The following SLC22A23 variants were observed in gnomAD, a reference collection of about 807,000 sequenced individuals.
SLC22A23 encodes ion transporter protein.
SLC22A23 carries 26 observed loss-of-function variants against 61.0 expected under a neutral mutation model. That is an observed-to-expected ratio of 0.43 (90% CI 0.31 to 0.59). The LOEUF (loss-of-function observed/expected upper bound fraction) is 0.59, where lower values mean the gene tolerates loss of function less well. Ranked by LOEUF, SLC22A23 falls within the 20% of genes least tolerant of loss-of-function variation. The probability of loss-of-function intolerance (pLI) is 0.11; values close to 1 mark genes in which losing one functional copy is unlikely to be tolerated. For missense variants in SLC22A23, 796 were observed against 934.7 expected, an observed-to-expected ratio of 0.85 and a Z score of 1.94; for synonymous variants, 430 against 413.9, an observed-to-expected ratio of 1.04 and a Z score of -0.47.
rs879584443 is a variant in SLC22A23, at chr6:3,427,029, G to A, written c.655-11174C>T. 3.7e-4 allele frequency among the ~76,000 whole-genome samples: 56 copies of A among 152,346 alleles called. No homozygotes were observed. The highest frequency in any genetic ancestry group is 1.2e-3 in the African/African-American group (50 of 41,584). Reference sequence around the variant, plus strand: ...TAAAGTGGGGTCTGAGCCAGCTTGCGAATGTGCTGTCAAGCACAGCTGGGA... The same window carrying A: ...TAAAGTGGGGTCTGAGCCAGCTTGCAAATGTGCTGTCAAGCACAGCTGGGA... On this transcript the variant is annotated intron_variant, in intron 1 of 9. Transcript: ENST00000406686. This position sits in a 1 kb window ranked among gnomAD's most constrained non-coding sequence, Gnocchi z 4.3.
At chr6:3,285,846 C>T (rs1759944461) in intron 7 of SLC22A23, among the ~76,000 whole-genome samples, 1 of 152,156 alleles carries the variant, frequency 6.6e-6, no homozygotes, top group Non-Finnish European at 1.5e-5. Context: ...GTTCTGAGAG[C>T]CCGGGTTCAT....
chr6:3,441,167 G>A (rs986761691), intron 1 of SLC22A23, among the ~76,000 whole-genome samples: 18 of 152,282 alleles, frequency 1.2e-4, no homozygotes, highest in African/African-American at 4.1e-4. Flanking sequence ...ATGGGGGCTC[G>A]TTCAGGTGGT....
At chr6:3,425,331 C>T (rs1770421576) in intron 1 of SLC22A23, among the ~76,000 whole-genome samples, 1 of 134,212 alleles carries the variant, frequency 7.5e-6, no homozygotes, top group East Asian at 2.2e-4. Context: ...GTTGCCCAGG[C>T]TGGAGTGCAG....
At chr6:3,447,583 CTTTTT>C (rs757788904) in intron 1 of SLC22A23, among the ~76,000 whole-genome samples, 7 of 113,366 alleles carry the variant, frequency 6.2e-5, no homozygotes, top group African/African-American at 1.4e-4. Flanking sequence ...AAGAAACTTT[CTTTTT>C]TTTTTTTTTT....
intron 3 of SLC22A23, among the ~76,000 whole-genome samples, chr6:3,363,137 G>T (rs1218967463): frequency 1.3e-5 from 2 of 152,144 alleles, no homozygotes; most frequent in African/African-American, 4.8e-5. Context: ...CTCAGGCAGG[G>T]GCATGTTTTT....
intron 1 of SLC22A23, among the ~76,000 whole-genome samples, chr6:3,453,272 C>G (rs952575054): frequency 6.6e-6 from 1 of 152,126 alleles, no homozygotes; most frequent in Non-Finnish European, 1.5e-5. Flanking sequence ...TTCTGAGGAG[C>G]AAGTGGCACA....
rs145801603 is a variant in SLC22A23, at chr6:3,414,198, G to A, written c.758+1554C>T. ...ATAAGGACACTACAACCCCAGTTGA[G>A]TTTGCATTTTTTTAGAAAGACAGTG... On this transcript the variant is annotated intron_variant, in intron 2 of 9. Coordinates refer to ENST00000406686, the MANE Select transcript of SLC22A23 (RefSeq NM_015482.2). This position sits in a 1 kb window ranked among gnomAD's most constrained non-coding sequence, Gnocchi z 5.1. 8.1e-3 allele frequency among the ~76,000 whole-genome samples: 1,240 copies of A among 152,250 alleles called. 15 individuals carry two copies. Among genetic ancestry groups the A allele is most frequent in the South Asian group, 0.069 (335 of 4,824 alleles).
intron 3 of SLC22A23, among the ~76,000 whole-genome samples, chr6:3,378,819 G>A (rs930109587): frequency 5.9e-5 from 9 of 151,694 alleles, no homozygotes; most frequent in African/African-American, 1.7e-4. Flanking sequence ...CACCACACCC[G>A]GCTAATTTTT....
chr6:3,399,790 A>C (rs1256216169), intron 3 of SLC22A23, among the ~76,000 whole-genome samples: 1 of 152,208 alleles, frequency 6.6e-6, no homozygotes, highest in East Asian at 1.9e-4. Context: ...GAAGAGCCCT[A>C]GGAATGATCT....
At position 3,333,615 on chromosome 6, in the gene SLC22A23, A is replaced by G. The variant is rs1260978606; in HGVS notation, c.914-9613T>C. On this transcript the variant is annotated intron_variant, in intron 3 of 9. Coordinates refer to ENST00000406686, the MANE Select transcript of SLC22A23 (RefSeq NM_015482.2). The surrounding 1 kb of genome is among the most constrained non-coding windows in gnomAD (Gnocchi z 4.1). ...TCCTTTTCTCAGGTCTCTAAGAGCC[A>G]TCTTGCCCAGAAGCTTTGCCCTGAC... Among the ~76,000 whole-genome samples the G allele has an allele frequency of 6.6e-6, 1 of 152,190 alleles. No homozygotes were observed. The highest frequency in any genetic ancestry group is 1.5e-5 in the Non-Finnish European group (1 of 68,030).
At chr6:3,370,463 C>T (rs770911956) in intron 3 of SLC22A23, among the ~76,000 whole-genome samples, 11 of 152,392 alleles carry the variant, frequency 7.2e-5, no homozygotes, top group Middle Eastern at 6.8e-3. Flanking sequence ...GCACTGGAGA[C>T]GAAGCCTCCA....
chr6:3,411,531 G>A (rs1769245057), intron 2 of SLC22A23, among the ~76,000 whole-genome samples: 1 of 152,058 alleles, frequency 6.6e-6, no homozygotes. Context: ...TCAGAGTGTG[G>A]TGATGGCTGT....
intron 9 of SLC22A23, among the ~76,000 whole-genome samples, chr6:3,280,512 T>TTTTTTTTTTTC (rs781526188): frequency 2.0e-5 from 2 of 98,330 alleles, no homozygotes; most frequent in African/African-American, 7.1e-5. Context: ...TTTTTTTTTT[T>TTTTTTTTTTTC]TGAGATGGAG....
intron 3 of SLC22A23, among the ~76,000 whole-genome samples, chr6:3,326,430 G>A (rs1159727827): frequency 6.6e-6 from 1 of 152,110 alleles, no homozygotes; most frequent in Non-Finnish European, 1.5e-5. Context: ...ATCAGCATCT[G>A]CATCTTAATG....
chr6:3,316,862 T>G (rs961549415), intron 4 of SLC22A23, among the ~76,000 whole-genome samples: 2 of 152,218 alleles, frequency 1.3e-5, no homozygotes, highest in Non-Finnish European at 2.9e-5. Flanking sequence ...TATCTTGAAC[T>G]GCTGTGCTCA....
At chr6:3,435,937 A>G (rs1771183034) in intron 1 of SLC22A23, among the ~76,000 whole-genome samples, 1 of 152,176 alleles carries the variant, frequency 6.6e-6, no homozygotes, top group African/African-American at 2.4e-5. Flanking sequence ...CAAGCCAAGG[A>G]GAGAGAACTC....
At chr6:3,300,707 A>G (rs1188431367) in intron 4 of SLC22A23, among the ~76,000 whole-genome samples, 2 of 152,260 alleles carry the variant, frequency 1.3e-5, no homozygotes, top group South Asian at 2.1e-4. Flanking sequence ...CACTATCGAT[A>G]TCTAATAATT....
intron 1 of SLC22A23, 24 bp downstream of exon 1, chr6:3,455,882 G>C: frequency 1.4e-6 from 2 of 1,477,532 alleles, no homozygotes; most frequent in Non-Finnish European, 1.8e-6. Flanking sequence ...AGGGTTGGAG[G>C]GACTGGGCGG....
At chr6:3,435,815 C>T (rs950882810) in intron 1 of SLC22A23, among the ~76,000 whole-genome samples, 1 of 152,168 alleles carries the variant, frequency 6.6e-6, no homozygotes, top group African/African-American at 2.4e-5. Flanking sequence ...AAAGTAAGGT[C>T]TCTAGGGCGG....
Sources: gnomAD v4.1 joint callset for allele counts (sites outside exome capture counted in the v4.1 genomes callset) on GRCh38, gnomAD v4.1.1 for gene constraint, Gnocchi (gnomAD v3.1) non-coding constraint, MANE v1.5 for transcripts, NCBI Gene and HGNC (gene_info 2026-07-23, HGNC 2026-07-21) for gene names.